Variants in MACROD2 observed in about 807,000 individuals in gnomAD.
MACROD2 encodes ADP-ribose glycohydrolase MACROD2.
Under a neutral mutation model 70.4 loss-of-function variants are expected in MACROD2, and 36 were observed. The observed-to-expected ratio is 0.51, with a 90% CI of 0.39 to 0.68. The LOEUF (loss-of-function observed/expected upper bound fraction) is 0.68. MACROD2 is among the 30% of genes least tolerant of loss of function. The pLI, the probability that MACROD2 is intolerant of heterozygous loss-of-function variation, is 0.00. For missense variants in MACROD2, 496 were observed against 538.4 expected, an observed-to-expected ratio of 0.92 and a Z score of 0.78; for synonymous variants, 172 against 178.8, an observed-to-expected ratio of 0.96 and a Z score of 0.30.
At position 14,041,332 on chromosome 20, in the gene MACROD2, A is replaced by T. The variant is rs2053386994; in HGVS notation, c.163+38928A>T. On this transcript the variant is annotated intron_variant, in intron 2 of 17. Coordinates refer to ENST00000684519, the MANE Select transcript of MACROD2 (RefSeq NM_001351661.2). ...ATAAACAGGAAATTCTGGATATGTG[A>T]TAGTAAATGTTTGAGGCTCCTCTAA... Among the ~76,000 whole-genome samples, 3 of 152,232 alleles carry T rather than the reference A, an allele frequency of 2.0e-5. No individual in the cohort carries two copies. The South Asian group carries it at 6.2e-4, about 32-fold the overall frequency.
intron 8 of MACROD2, among the ~76,000 whole-genome samples, chr20:15,815,223 C>T (rs977378379): frequency 1.3e-5 from 2 of 152,156 alleles, no homozygotes; most frequent in African/African-American, 4.8e-5. Context: ...TTTTATCACT[C>T]AAAGTGCAGC....
intron 12 of MACROD2, among the ~76,000 whole-genome samples, chr20:15,958,253 A>T (rs6110847): frequency 0.1 from 15,230 of 152,186 alleles, 919 homozygotes; most frequent in East Asian, 0.25. Context: ...CGGCAAACAA[A>T]GATTAATGCC....
intron 5 of MACROD2, among the ~76,000 whole-genome samples, chr20:15,202,753 C>G (rs1232169681): frequency 6.6e-6 from 1 of 152,158 alleles, no homozygotes; most frequent in African/African-American, 2.4e-5. Context: ...GATATTTTAT[C>G]TACCTCATGA....
chr20:15,394,178 A>G lies in MACROD2; in HGVS notation c.541-37227A>G, dbSNP rs77338304. Reference sequence around the variant, plus strand: ...CTCCTAACAGTGCAGCAAACGTAATATAGGATTGTGATATAGCATTGGTAC... The same window carrying G: ...CTCCTAACAGTGCAGCAAACGTAATGTAGGATTGTGATATAGCATTGGTAC... On this transcript the variant is annotated intron_variant, in intron 6 of 17. Coordinates refer to ENST00000684519, the MANE Select transcript of MACROD2 (RefSeq NM_001351661.2). 5.9e-5 allele frequency among the ~76,000 whole-genome samples: 9 copies of G among 152,344 alleles called. No homozygotes were observed. In the East Asian group the frequency reaches 1.7e-3, roughly 29 times the overall value.
chr20:14,716,618 A>C (rs947239925), intron 5 of MACROD2, among the ~76,000 whole-genome samples: 2 of 152,128 alleles, frequency 1.3e-5, no homozygotes, highest in African/African-American at 4.8e-5. Context: ...TTAGCGATTC[A>C]GTTTCTGACT....
At chr20:15,843,841 A>G (rs2064200702) in intron 8 of MACROD2, among the ~76,000 whole-genome samples, 2 of 152,112 alleles carry the variant, frequency 1.3e-5, no homozygotes, top group Non-Finnish European at 1.5e-5. Flanking sequence ...TTGCTCCCTG[A>G]CACTCCTGAA....
intron 8 of MACROD2, among the ~76,000 whole-genome samples, chr20:15,790,056 CAG>C (rs80046470): frequency 0.12 from 18,260 of 151,918 alleles, 1,257 homozygotes; most frequent in Middle Eastern, 0.27. Context: ...CTTTCCAAAA[CAG>C]AGAAGTAATG....
At chr20:15,828,737 A>G (rs1458642649) in intron 8 of MACROD2, among the ~76,000 whole-genome samples, 1 of 152,226 alleles carries the variant, frequency 6.6e-6, no homozygotes, top group Non-Finnish European at 1.5e-5. Flanking sequence ...GTTTTTGAAC[A>G]CTAGTGGTCA....
intron 4 of MACROD2, among the ~76,000 whole-genome samples, chr20:14,524,827 G>A (rs920823398): frequency 5.9e-5 from 9 of 152,080 alleles, no homozygotes; most frequent in African/African-American, 1.2e-4. Context: ...GCATTCATGC[G>A]GAGTCTCAAA....
intron 9 of MACROD2, among the ~76,000 whole-genome samples, chr20:15,877,241 TATCC>T (rs1430585996): frequency 6.6e-6 from 1 of 152,114 alleles, no homozygotes; most frequent in East Asian, 1.9e-4. Context: ...CAACTGAACA[TATCC>T]AAAATTAAAT....
At chr20:15,992,065 AG>A (rs2066566213) in intron 15 of MACROD2, among the ~76,000 whole-genome samples, 1 of 152,216 alleles carries the variant, frequency 6.6e-6, no homozygotes, top group Non-Finnish European at 1.5e-5. Context: ...GAAGAATAAA[AG>A]GTATATTCAC....
intron 5 of MACROD2, among the ~76,000 whole-genome samples, chr20:15,084,079 T>TGTTTTC (rs56830462): frequency 4.1e-5 from 6 of 145,276 alleles, no homozygotes; most frequent in African/African-American, 1.2e-4. Flanking sequence ...TTTGTTTTTT[T>TGTTTTC]TTTTTAATGA....
rs1276208688 is a variant in MACROD2 at position 15,953,617 on chromosome 20, A to G, written c.908-13936A>G. ...TAATTCAGCAAGGAAAAAATGAGTG[A>G]TAAATACTTGATTTTGTAAAAACGT... is the stretch of plus-strand genomic sequence containing the variant. On this transcript the variant is annotated intron_variant, in intron 12 of 17. Coordinates refer to ENST00000684519, the MANE Select transcript of MACROD2 (RefSeq NM_001351661.2). 2.0e-5 allele frequency among the ~76,000 whole-genome samples: 3 copies of G among 152,338 alleles called. No individual in the cohort carries two copies. In the East Asian group the frequency reaches 5.8e-4, roughly 29 times the overall value.
chr20:15,861,064 A>G (rs1402657237), intron 8 of MACROD2, among the ~76,000 whole-genome samples: 1 of 152,164 alleles, frequency 6.6e-6, no homozygotes, highest in African/African-American at 2.4e-5. Flanking sequence ...AATTCCTTTT[A>G]CTGTTTACAC....
At chr20:14,353,534 G>A (rs562705698) in intron 3 of MACROD2, among the ~76,000 whole-genome samples, 1 of 152,046 alleles carries the variant, frequency 6.6e-6, no homozygotes, top group African/African-American at 2.4e-5. Flanking sequence ...TTCTCTGTTA[G>A]AGTATTTTTA....
chr20:14,663,374 T>A (rs1217935919), intron 4 of MACROD2, among the ~76,000 whole-genome samples: 1 of 151,742 alleles, frequency 6.6e-6, no homozygotes, highest in African/African-American at 2.4e-5. Flanking sequence ...AAATAATGAA[T>A]GGATACTAGG....
At chr20:15,023,692 C>G (rs150511311) in intron 5 of MACROD2, among the ~76,000 whole-genome samples, 2 of 152,226 alleles carry the variant, frequency 1.3e-5, no homozygotes, top group African/African-American at 4.8e-5. Flanking sequence ...TCTCGTGAAA[C>G]TTATTCACTA....
intron 2 of MACROD2, chr20:14,003,622 C>T (rs1832009850): frequency 2.2e-6 from 1 of 452,824 alleles, no homozygotes; most frequent in Non-Finnish European, 4.4e-6. Flanking sequence ...AGATGATTTG[C>T]TGCCCACCAC....
chr20:15,178,389 G>A (rs1270328605), intron 5 of MACROD2, among the ~76,000 whole-genome samples: 1 of 152,156 alleles, frequency 6.6e-6, no homozygotes, highest in Admixed American at 6.5e-5. Flanking sequence ...TGACTATGAG[G>A]TATTTACTTA....
Sources: gnomAD v4.1 joint callset for allele counts (sites outside exome capture counted in the v4.1 genomes callset) on GRCh38, gnomAD v4.1.1 for gene constraint, MANE v1.5 for transcripts, NCBI Gene and HGNC (gene_info 2026-07-23, HGNC 2026-07-21) for gene names.